MAF: variants seen among roughly 807,000 people sequenced by gnomAD.
The protein encoded by MAF is transcription factor Maf.
Under a neutral mutation model 22.0 loss-of-function variants are expected in MAF, and 10 were observed. The observed-to-expected ratio is 0.45, with a 90% confidence interval of 0.28 to 0.77. MAF has a LOEUF of 0.77. MAF is among the 30% of genes least tolerant of loss of function. The pLI, the probability that MAF is intolerant of heterozygous loss-of-function variation, is 0.12. For missense variants in MAF, 544 were observed against 548.4 expected, an observed-to-expected ratio of 0.99 and a Z score of 0.08; for synonymous variants, 337 against 255.8, an observed-to-expected ratio of 1.32 and a Z score of -3.03.
chr16:79,414,913 G>C, the MAF span, among the ~76,000 whole-genome samples: 1 of 152,172 alleles, frequency 6.6e-6, no homozygotes, highest in Non-Finnish European at 1.5e-5. Context: ...AAATCTTATG[G>C]GATTTCCATG....
the MAF span, among the ~76,000 whole-genome samples, chr16:79,267,584 G>T: frequency 6.6e-6 from 1 of 152,148 alleles, no homozygotes; most frequent in Admixed American, 6.5e-5. Flanking sequence ...AGCTGGTGGC[G>T]GACAGTGCAG....
chr16:79,287,524 C>T, the MAF span, among the ~76,000 whole-genome samples: 1 of 152,186 alleles, frequency 6.6e-6, no homozygotes, highest in African/African-American at 2.4e-5. Context: ...ACCCCCAAAC[C>T]CTGAGTCCTG....
chr16:79,341,192 G>T, the MAF span, among the ~76,000 whole-genome samples: 1 of 152,212 alleles, frequency 6.6e-6, no homozygotes, highest in Non-Finnish European at 1.5e-5. Flanking sequence ...AAGGAGTTTG[G>T]ATTTTATTTT....
At chr16:79,407,676 T>A in the MAF span, among the ~76,000 whole-genome samples, 2 of 152,152 alleles carry the variant, frequency 1.3e-5, no homozygotes, top group African/African-American at 4.8e-5. Context: ...TTTTTCTTCA[T>A]GTCAGAGATT....
chr16:79,244,464 C>G, the MAF span, among the ~76,000 whole-genome samples: 5 of 152,094 alleles, frequency 3.3e-5, no homozygotes, highest in African/African-American at 1.2e-4. Context: ...CTCCCATTCA[C>G]AATTATTACA....
chr16:79,514,834 T>G, the MAF span, among the ~76,000 whole-genome samples: 1 of 152,152 alleles, frequency 6.6e-6, no homozygotes, highest in South Asian at 2.1e-4. Flanking sequence ...AAAAGTATGT[T>G]TGGTGTAAAT....
chr16:79,477,957 C>T, the MAF span, among the ~76,000 whole-genome samples: 252 of 141,108 alleles, frequency 1.8e-3, 2 homozygotes, highest in African/African-American at 5.4e-3. Context: ...CTCCTGACCT[C>T]GTGATCCTCC....
chr16:79,377,738 C>G, the MAF span, among the ~76,000 whole-genome samples: 1 of 152,160 alleles, frequency 6.6e-6, no homozygotes, highest in South Asian at 2.1e-4. Flanking sequence ...TTTCAGCTTT[C>G]TACATATGGC....
the MAF span, among the ~76,000 whole-genome samples, chr16:79,216,410 AC>A: frequency 6.6e-6 from 1 of 152,322 alleles, no homozygotes; most frequent in South Asian, 2.1e-4. Flanking sequence ...TGATGGTTTG[AC>A]TTATGATTTT....
chr16:79,233,170 C>A, the MAF span, among the ~76,000 whole-genome samples: 1 of 151,960 alleles, frequency 6.6e-6, no homozygotes, highest in South Asian at 2.1e-4. Flanking sequence ...ACTACCCGTG[C>A]AGGTTTTTCA....
chr16:79,268,321 T>G, the MAF span, among the ~76,000 whole-genome samples: 1 of 152,132 alleles, frequency 6.6e-6, no homozygotes, highest in East Asian at 1.9e-4. Context: ...GTAGGAAACC[T>G]CTGTTCATAT....
chr16:79,479,742 C>T, the MAF span, among the ~76,000 whole-genome samples: 3 of 152,334 alleles, frequency 2.0e-5, no homozygotes, highest in South Asian at 2.1e-4. Context: ...CAGACTACTA[C>T]GTGCTAAGGT....
At chr16:79,223,345 TG>T in the MAF span, among the ~76,000 whole-genome samples, 2 of 152,132 alleles carry the variant, frequency 1.3e-5, no homozygotes, top group Non-Finnish European at 2.9e-5. Flanking sequence ...GCAGAATCTC[TG>T]GGACACATTT....
At chr16:79,572,241 G>A in the MAF span, among the ~76,000 whole-genome samples, 3 of 152,224 alleles carry the variant, frequency 2.0e-5, no homozygotes, top group Admixed American at 2.0e-4. Flanking sequence ...CAACACCACA[G>A]GGGCCGTTTT....
downstream of MAF, among the ~76,000 whole-genome samples, chr16:79,592,954 C>T (rs1913269716): frequency 6.6e-6 from 1 of 152,130 alleles, no homozygotes; most frequent in Non-Finnish European, 1.5e-5. Context: ...ATATTAGCAG[C>T]GCTAAGAAGA....
At chr16:79,335,307 T>C in the MAF span, among the ~76,000 whole-genome samples, 7 of 152,308 alleles carry the variant, frequency 4.6e-5, no homozygotes, top group African/African-American at 1.2e-4. Flanking sequence ...TCATTCTTTA[T>C]GCAATTTCTA....
the MAF span, among the ~76,000 whole-genome samples, chr16:79,361,473 G>C: frequency 6.6e-6 from 1 of 152,140 alleles, no homozygotes; most frequent in African/African-American, 2.4e-5. Context: ...TAAGAACATA[G>C]CAGGTTAACC....
At chr16:79,513,442 A>G in the MAF span, among the ~76,000 whole-genome samples, 1 of 152,248 alleles carries the variant, frequency 6.6e-6, no homozygotes, top group Non-Finnish European at 1.5e-5. Context: ...TAGACGTGCT[A>G]ACTTCCTAAG....
chr16:79,370,838 G>C, the MAF span, among the ~76,000 whole-genome samples: 2 of 151,228 alleles, frequency 1.3e-5, no homozygotes, highest in African/African-American at 4.9e-5. Context: ...ATAATTCACT[G>C]TCTGTGTAGT....
Sources: gnomAD v4.1 joint callset for allele counts (sites outside exome capture counted in the v4.1 genomes callset) on GRCh38, gnomAD v4.1.1 for gene constraint, MANE v1.5 for transcripts, NCBI Gene and HGNC (gene_info 2026-07-23, HGNC 2026-07-21) for gene names.